Variants in HSD17B12 observed in about 807,000 individuals in gnomAD.
HSD17B12 encodes hydroxysteroid 17-beta dehydrogenase 12.
HSD17B12 carries 32 observed loss-of-function variants against 39.3 expected under a neutral mutation model. The observed-to-expected ratio is 0.81, with a 90% CI of 0.61 to 1.09. The LOEUF is 1.09. Ranked by LOEUF, HSD17B12 falls within the 50% of genes least tolerant of loss-of-function variation. HSD17B12 has a pLI of 0.00. For synonymous variants in HSD17B12, 150 were observed against 146.7 expected (o/e 1.02, Z -0.16); for missense variants, 342 against 382.9 (o/e 0.89, Z 0.89).
At chr11:43,575,020 C>A in the HSD17B12 span, among the ~76,000 whole-genome samples, 1,886 of 152,326 alleles carry the variant, frequency 0.012, 40 homozygotes, top group African/African-American at 0.043. This position sits in a 1 kb window ranked among gnomAD's most constrained non-coding sequence, Gnocchi z 4.1. Flanking sequence ...CGCTCCCCAC[C>A]GCCAGAACTG....
chr11:43,650,963 G>A, the HSD17B12 span, among the ~76,000 whole-genome samples: 11 of 152,188 alleles, frequency 7.2e-5, no homozygotes, highest in Non-Finnish European at 1.6e-4. Flanking sequence ...GGATCTATAG[G>A]GTTCAGTACT....
At chr11:43,721,763 A>G (rs528348936) in intron 1 of HSD17B12, among the ~76,000 whole-genome samples, 59 of 152,234 alleles carry the variant, frequency 3.9e-4, no homozygotes, top group Admixed American at 1.6e-3. Flanking sequence ...GAACGAGGTC[A>G]TGAAATATCC....
chr11:43,626,509 T>G, the HSD17B12 span, among the ~76,000 whole-genome samples: 1 of 151,922 alleles, frequency 6.6e-6, no homozygotes, highest in Non-Finnish European at 1.5e-5. Context: ...CAAATAAATG[T>G]TTTAGTAGCA....
At chr11:43,821,021 C>T (rs1951177657) in intron 6 of HSD17B12, among the ~76,000 whole-genome samples, 1 of 152,086 alleles carries the variant, frequency 6.6e-6, no homozygotes, top group Admixed American at 6.5e-5. Flanking sequence ...TTGTAGGTCA[C>T]CACCAGATAA....
At chr11:43,574,926 T>C in the HSD17B12 span, among the ~76,000 whole-genome samples, 8 of 152,302 alleles carry the variant, frequency 5.3e-5, no homozygotes, top group African/African-American at 1.9e-4. Flanking sequence ...CCCTGCTATC[T>C]GGGTATTTAT....
At chr11:43,668,727 G>C in the HSD17B12 span, among the ~76,000 whole-genome samples, 18,777 of 151,946 alleles carry the variant, frequency 0.12, 1,448 homozygotes, top group Middle Eastern at 0.25. Flanking sequence ...TTTTGAGACA[G>C]GGTCTTGCTC....
intron 1 of HSD17B12, among the ~76,000 whole-genome samples, chr11:43,744,813 A>T (rs934815192): frequency 6.6e-6 from 1 of 152,228 alleles, no homozygotes; most frequent in African/African-American, 2.4e-5. Flanking sequence ...GGAGAAATTG[A>T]ACTATGATGC....
chr11:43,616,425 C>CA, the HSD17B12 span, among the ~76,000 whole-genome samples: 2,251 of 62,454 alleles, frequency 0.036, 177 homozygotes, highest in South Asian at 0.069. Context: ...AAACAAAAAA[C>CA]AAAAAAAAAA....
the HSD17B12 span, among the ~76,000 whole-genome samples, chr11:43,627,212 T>G: frequency 6.8e-6 from 1 of 146,694 alleles, no homozygotes; most frequent in Non-Finnish European, 1.5e-5. Flanking sequence ...ATTTGCCATC[T>G]AAATGTTCAA....
intron 9 of HSD17B12, among the ~76,000 whole-genome samples, chr11:43,843,779 C>A (rs1002607037): frequency 4.6e-5 from 7 of 152,180 alleles, no homozygotes; most frequent in Non-Finnish European, 1.0e-4. Context: ...TTTGGTTAGG[C>A]CTTTCTTTGG....
chr11:43,567,967 C>T, the HSD17B12 span, among the ~76,000 whole-genome samples: 61 of 152,244 alleles, frequency 4.0e-4, no homozygotes, highest in East Asian at 0.01. Context: ...CAAGAGTCAA[C>T]GGACAATGTG....
the HSD17B12 span, among the ~76,000 whole-genome samples, chr11:43,627,883 A>G: frequency 5.7e-4 from 87 of 152,118 alleles, no homozygotes; most frequent in African/African-American, 2.1e-3. Context: ...ATGCCATACA[A>G]TAAGGAATAT....
chr11:43,834,909 A>G (rs981669480), intron 7 of HSD17B12, among the ~76,000 whole-genome samples: 1 of 152,190 alleles, frequency 6.6e-6, no homozygotes, highest in Non-Finnish European at 1.5e-5. Context: ...TTTTAGTTCT[A>G]GTAGATCCTC....
chr11:43,777,782 C>T (rs1194215843), intron 3 of HSD17B12, among the ~76,000 whole-genome samples: 1 of 151,998 alleles, frequency 6.6e-6, no homozygotes, highest in Non-Finnish European at 1.5e-5. Flanking sequence ...ATACGTCCCA[C>T]AATGAGAACA....
At chr11:43,599,633 A>C in the HSD17B12 span, among the ~76,000 whole-genome samples, 10 of 152,058 alleles carry the variant, frequency 6.6e-5, no homozygotes, top group Non-Finnish European at 1.5e-4. Flanking sequence ...TCAAAAGGTT[A>C]TTTCTTTATT....
At chr11:43,658,737 T>C in the HSD17B12 span, among the ~76,000 whole-genome samples, 1 of 152,338 alleles carries the variant, frequency 6.6e-6, no homozygotes, top group African/African-American at 2.4e-5. Context: ...TGCTGCTGCC[T>C]GATCGTTCCT....
At chr11:43,672,294 C>T in the HSD17B12 span, among the ~76,000 whole-genome samples, 1 of 152,170 alleles carries the variant, frequency 6.6e-6, no homozygotes, top group South Asian at 2.1e-4. Context: ...CATGATCCGC[C>T]TGCCTCGGCC....
chr11:43,575,961 A>AT, the HSD17B12 span, among the ~76,000 whole-genome samples: 8 of 150,852 alleles, frequency 5.3e-5, no homozygotes, highest in East Asian at 3.9e-4. This position sits in a 1 kb window ranked among gnomAD's most constrained non-coding sequence, Gnocchi z 4.1. Context: ...GGTATGGATG[A>AT]TTTTTTTTTT....
chr11:43,655,012 C>T, the HSD17B12 span, among the ~76,000 whole-genome samples: 1 of 152,148 alleles, frequency 6.6e-6, no homozygotes, highest in Admixed American at 6.6e-5. Context: ...GCCATTTTCA[C>T]GATATTGATT....
Sources: allele counts gnomAD v4.1 joint callset (sites outside exome capture counted in the v4.1 genomes callset), GRCh38; gene constraint gnomAD v4.1.1; non-coding constraint Gnocchi (gnomAD v3.1); transcripts MANE v1.5; gene names NCBI Gene and HGNC (gene_info 2026-07-23, HGNC 2026-07-21).